Variants in SOX6 observed in about 807,000 individuals in gnomAD.
SOX6 encodes SRY-box transcription factor 6.
In SOX6, 11 loss-of-function variants were observed where a neutral mutation model predicts 97.8. The observed-to-expected ratio is 0.11, with a 90% CI of 0.07 to 0.19. The LOEUF (loss-of-function observed/expected upper bound fraction) is 0.19. SOX6 is among the 10% of genes least tolerant of loss of function. SOX6 has a pLI of 1.00. For synonymous variants in SOX6, 360 were observed against 371.4 expected (o/e 0.97, Z 0.35); for missense variants, 810 against 1,039.5 (o/e 0.78, Z 3.04).
chr11:16,143,280 C>A (rs1850197197), intron 6 of SOX6, among the ~76,000 whole-genome samples: 1 of 152,192 alleles, frequency 6.6e-6, no homozygotes, highest in South Asian at 2.1e-4. Flanking sequence ...GAAATAAAAT[C>A]CTTTACAGAG....
intron 15 of SOX6, among the ~76,000 whole-genome samples, chr11:15,976,057 T>G (rs1046892388): frequency 6.6e-6 from 1 of 152,132 alleles, no homozygotes; most frequent in African/African-American, 2.4e-5. Flanking sequence ...CCCCAGACAG[T>G]GCTAAAAGCC....
chr11:16,351,317 G>T (rs1341851802), intron 1 of SOX6, among the ~76,000 whole-genome samples: 1 of 152,030 alleles, frequency 6.6e-6, no homozygotes, highest in Non-Finnish European at 1.5e-5. Context: ...AGCCAGTCAT[G>T]AAGCTCCATC....
chr11:16,002,280 T>C (rs1854429276), intron 13 of SOX6, among the ~76,000 whole-genome samples: 2 of 152,212 alleles, frequency 1.3e-5, no homozygotes, highest in South Asian at 2.1e-4. Flanking sequence ...AATGACTTTG[T>C]GGTGAGCTGA....
At chr11:16,387,870 T>C (rs2134420284) in intron 1 of SOX6, among the ~76,000 whole-genome samples, 1 of 152,276 alleles carries the variant, frequency 6.6e-6, no homozygotes, top group African/African-American at 2.4e-5. Flanking sequence ...ATCATCCTTG[T>C]ATCACATGAC....
At position 16,046,643 on chromosome 11, in the gene SOX6, T is replaced by G; in HGVS notation, c.1494A>C (p.Lys498Asn). Residue 498 changes from lysine to asparagine, a missense_variant, in exon 12 of 16, where the codon AAA becomes AAC. Physicochemically the swap from Lys to Asn is moderately conservative, Grantham distance 94 (BLOSUM62 0). This residue lies in a region of SOX6 where 14 missense variants were observed against 36.0 expected (regional missense o/e 0.39). Coordinates refer to ENST00000683767, the MANE Select transcript of SOX6 (RefSeq NM_001367873.1). ...ALFGDQDTVM[K>N]AIQEARKMRE... The stretch of plus-strand genomic sequence containing the variant: ...GCATCTTCCGCGCCTCCTGAATGGC[T>G]TTCATCACTGTATCCTGATCCCCAA... 6.2e-7 allele frequency: 1 copy of G among 1,613,788 alleles called. No homozygotes were observed. Among genetic ancestry groups the G allele is most frequent in the Non-Finnish European group, 8.5e-7 (1 of 1,179,806 alleles).
chr11:16,547,219 C>T (rs1847631667), intron 4 of SOX6, among the ~76,000 whole-genome samples: 1 of 152,012 alleles, frequency 6.6e-6, no homozygotes, highest in Non-Finnish European at 1.5e-5. Context: ...TCTCAACAAA[C>T]TAAAAATAGA....
chr11:16,523,845 C>T (rs575170554), intron 4 of SOX6, among the ~76,000 whole-genome samples: 148 of 152,294 alleles, frequency 9.7e-4, no homozygotes, highest in African/African-American at 3.4e-3. Context: ...TCAGAGAATA[C>T]TACAAACACC....
At chr11:16,526,912 A>C (rs1861175487) in intron 4 of SOX6, among the ~76,000 whole-genome samples, 1 of 152,100 alleles carries the variant, frequency 6.6e-6, no homozygotes, top group African/African-American at 2.4e-5. Flanking sequence ...ACATCTTCTA[A>C]GATACTCTTA....
intron 1 of SOX6, among the ~76,000 whole-genome samples, chr11:16,405,806 AT>A (rs1426608833): frequency 1.3e-5 from 2 of 152,176 alleles, no homozygotes; most frequent in East Asian, 3.9e-4. Flanking sequence ...GTCTTTGTTC[AT>A]AGCACTGATT....
At chr11:16,182,344 A>T (rs1217077671) in intron 6 of SOX6, among the ~76,000 whole-genome samples, 1 of 151,832 alleles carries the variant, frequency 6.6e-6, no homozygotes, top group Non-Finnish European at 1.5e-5. Flanking sequence ...TACAAATAGG[A>T]GAAACAGAGA....
chr11:16,524,038 C>A (rs1861115576), intron 4 of SOX6, among the ~76,000 whole-genome samples: 1 of 152,296 alleles, frequency 6.6e-6, no homozygotes, highest in East Asian at 1.9e-4. Context: ...CAGCTGAATT[C>A]TACCAGAGGT....
At chr11:16,227,405 G>T (rs769850971) in intron 4 of SOX6, among the ~76,000 whole-genome samples, 3 of 150,680 alleles carry the variant, frequency 2.0e-5, no homozygotes, top group South Asian at 2.1e-4. Context: ...TGATTCATTC[G>T]TTCAACAAAT....
chr11:16,645,529 T>C (rs992967284), intron 3 of SOX6, among the ~76,000 whole-genome samples: 2 of 152,202 alleles, frequency 1.3e-5, no homozygotes, highest in Admixed American at 1.3e-4. Context: ...AACAGGGTGA[T>C]TGCAGATGTA....
intron 11 of SOX6, 64 bp from the exon 12 acceptor site, chr11:16,046,765 A>G: frequency 6.7e-7 from 1 of 1,500,260 alleles, no homozygotes; most frequent in Non-Finnish European, 9.2e-7. Context: ...TACTACTACT[A>G]TCCCCTCCCC....
intron 3 of SOX6, among the ~76,000 whole-genome samples, chr11:16,255,324 A>T (rs1018937125): frequency 9.2e-5 from 14 of 152,116 alleles, no homozygotes; most frequent in Non-Finnish European, 2.9e-5. Context: ...TCTCAAACTC[A>T]TATGGAACAG....
At chr11:16,145,380 C>T (rs1772878836) in intron 6 of SOX6, among the ~76,000 whole-genome samples, 1 of 152,088 alleles carries the variant, frequency 6.6e-6, no homozygotes, top group Non-Finnish European at 1.5e-5. Context: ...TATGACAAAC[C>T]CACAGCCAAT....
At chr11:16,706,477 T>A (rs375640881) in intron 3 of SOX6, among the ~76,000 whole-genome samples, 9,854 of 14,848 alleles carry the variant, frequency 0.66, 3,691 homozygotes, top group Non-Finnish European at 0.71. Flanking sequence ...AAAAAATATA[T>A]ATATATATAT....
chr11:16,521,960 C>A (rs933387090), intron 4 of SOX6, among the ~76,000 whole-genome samples: 4 of 152,104 alleles, frequency 2.6e-5, no homozygotes, highest in Non-Finnish European at 5.9e-5. Flanking sequence ...AACAAAGCCT[C>A]CAAGAAATAT....
chr11:15,998,366 T>G (rs1451935254), intron 13 of SOX6, among the ~76,000 whole-genome samples: 1 of 147,718 alleles, frequency 6.8e-6, no homozygotes, highest in African/African-American at 2.4e-5. Context: ...GGGAATAAAT[T>G]TAACTGAAAA....
Sources: allele counts gnomAD v4.1 joint callset (sites outside exome capture counted in the v4.1 genomes callset), GRCh38; gene constraint gnomAD v4.1.1; regional missense constraint gnomAD v4.1.1; transcripts MANE v1.5; gene names NCBI Gene and HGNC (gene_info 2026-07-23, HGNC 2026-07-21).